The following AGAP1 variants were observed in gnomAD, a reference collection of about 807,000 sequenced individuals.
The protein encoded by AGAP1 is arf-GAP with GTPase, ANK repeat and PH domain-containing protein 1.
A neutral mutation model predicts 105.3 loss-of-function variants in AGAP1; 29 were observed. The observed-to-expected ratio is 0.28, with a 90% CI of 0.21 to 0.38. The LOEUF (loss-of-function observed/expected upper bound fraction) is 0.38, where lower values mean the gene tolerates loss of function less well. AGAP1 is among the 10% of genes least tolerant of loss of function. The pLI, the probability that AGAP1 is intolerant of heterozygous loss-of-function variation, is 1.00. For synonymous variants in AGAP1, 509 were observed against 485.9 expected (o/e 1.05, Z -0.63); for missense variants, 998 against 1,165.1 (o/e 0.86, Z 2.09).
chr2:235,914,451 T>C (rs2051773356), intron 11 of AGAP1, among the ~76,000 whole-genome samples: 1 of 151,444 alleles, frequency 6.6e-6, no homozygotes, highest in South Asian at 2.1e-4. Context: ...TTGTAAGGAA[T>C]GATAAGTGCT....
At chr2:235,693,287 G>A (rs1949828667) in intron 1 of AGAP1, among the ~76,000 whole-genome samples, 1 of 152,170 alleles carries the variant, frequency 6.6e-6, no homozygotes, top group Non-Finnish European at 1.5e-5. Flanking sequence ...TTAGGAGCTG[G>A]GGTAGTACTC....
At chr2:235,718,647 G>C (rs1485064748) in intron 3 of AGAP1, among the ~76,000 whole-genome samples, 1 of 152,196 alleles carries the variant, frequency 6.6e-6, no homozygotes, top group Non-Finnish European at 1.5e-5. Context: ...GAATACTGCG[G>C]AACCGTTCGG....
In AGAP1 at chr2:236,001,628, G is replaced by A. The variant is rs1290302784; in HGVS notation, c.1645+33005G>A. 6.6e-6 allele frequency among the ~76,000 whole-genome samples: 1 copy of A among 152,218 alleles called. No homozygotes were observed. Among genetic ancestry groups the A allele is most frequent in the Non-Finnish European group, 1.5e-5 (1 of 68,050 alleles). ...GAAGTGAGAGGACACAGAGGCCAGG[G>A]CCGGGAGACCAGGAGGCCGAGAGCG... On this transcript the variant is annotated intron_variant, in intron 13 of 17. Transcript: ENST00000304032. This position sits in a 1 kb window ranked among gnomAD's most constrained non-coding sequence, Gnocchi z 4.7.
intron 2 of AGAP1, among the ~76,000 whole-genome samples, chr2:235,710,201 C>T (rs1950781017): frequency 1.3e-5 from 2 of 152,210 alleles, no homozygotes; most frequent in Admixed American, 1.3e-4. Flanking sequence ...TGACCCCAAC[C>T]TCATTGCATG....
intron 9 of AGAP1, among the ~76,000 whole-genome samples, chr2:235,868,595 A>T (rs563230978): frequency 6.6e-6 from 1 of 152,274 alleles, no homozygotes; most frequent in East Asian, 1.9e-4. Context: ...GGTCCCTGAG[A>T]CTCAAAACAA....
intron 13 of AGAP1, among the ~76,000 whole-genome samples, chr2:235,990,121 T>C (rs1275272702): frequency 1.3e-5 from 2 of 152,240 alleles, no homozygotes; most frequent in Non-Finnish European, 2.9e-5. Flanking sequence ...GTTAAAACCT[T>C]TTTTAATGTT....
intron 11 of AGAP1, among the ~76,000 whole-genome samples, chr2:235,920,681 T>C (rs867703863): frequency 1.1e-4 from 16 of 152,322 alleles, no homozygotes; most frequent in African/African-American, 3.4e-4. Flanking sequence ...AGGAGGCAGA[T>C]GGCATGCACA....
intron 1 of AGAP1, among the ~76,000 whole-genome samples, chr2:235,686,622 T>TATATATATATATATATATATAG (rs1949419544): frequency 7.3e-5 from 2 of 27,584 alleles, no homozygotes; most frequent in Non-Finnish European, 1.5e-4. Context: ...GAGATATAGA[T>TATATATATATATATATATATAG]ATATATATAT....
In AGAP1 at chr2:235,979,674, G is replaced by A. The variant is rs2055008368; in HGVS notation, c.1645+11051G>A. Among the ~76,000 whole-genome samples, 1 of 152,162 alleles carries A rather than the reference G, an allele frequency of 6.6e-6. No homozygotes were observed. Among genetic ancestry groups the A allele is most frequent in the South Asian group, 2.1e-4 (1 of 4,828 alleles). The stretch of plus-strand genomic sequence containing the variant: ...AGGGCCTCTTGTGCACGTGGGACAT[G>A]GAGAAAATTGGCCATTTGTCTGTGG... On this transcript the variant is annotated intron_variant, in intron 13 of 17. Transcript: ENST00000304032. The surrounding 1 kb of genome is among the most constrained non-coding windows in gnomAD (Gnocchi z 4.5).
Position 236,124,263 on chromosome 2 carries a change from A to T in AGAP1, c.*141A>T. 1 of 938,284 alleles carries T rather than the reference A, an allele frequency of 1.1e-6. No individual in the cohort carries two copies. Among genetic ancestry groups the T allele is most frequent in the Non-Finnish European group, 1.6e-6 (1 of 635,730 alleles). 58.1% of individuals were successfully genotyped at this position (938,284 alleles called of 1,614,324 possible). A position where few individuals can be genotyped will look rare whatever the true frequency, so the allele number is the denominator to read the frequency against. Reference sequence around the variant, plus strand: ...ACCTCCCTCCCGCCCACCCACTCTCACCCCAAACAAAATCACAAAACCTGG... The same window carrying T: ...ACCTCCCTCCCGCCCACCCACTCTCTCCCCAAACAAAATCACAAAACCTGG... On this transcript the variant is annotated 3_prime_UTR_variant, in exon 18 of 18. Transcript: ENST00000304032. This position sits in a 1 kb window ranked among gnomAD's most constrained non-coding sequence, Gnocchi z 5.1.
In AGAP1 at chr2:235,648,777, C is replaced by A. The variant is rs1276144989; in HGVS notation, c.164-60402C>A. On this transcript the variant is annotated intron_variant, in intron 1 of 17. Coordinates refer to ENST00000304032, the MANE Select transcript of AGAP1 (RefSeq NM_001037131.3). ...TGGCATGCGCCTGTAGCCCCAGCTA[C>A]TCGGGAGGCTGAGGCAGTAGAATCA... is the stretch of plus-strand genomic sequence containing the variant. Among the ~76,000 whole-genome samples, 3 of 151,530 alleles carry A rather than the reference C, an allele frequency of 2.0e-5. No homozygotes were observed. The East Asian group carries it at 5.8e-4, about 29-fold the overall frequency.
chr2:235,570,432 A>T (rs1944477577), intron 1 of AGAP1, among the ~76,000 whole-genome samples: 1 of 152,280 alleles, frequency 6.6e-6, no homozygotes, highest in Non-Finnish European at 1.5e-5. Flanking sequence ...AATGTGTGAG[A>T]GAGTCCTGCT....
At position 235,712,096 on chromosome 2, in the gene AGAP1, C is replaced by A. The variant is rs1950887160; in HGVS notation, c.222+2859C>A. On this transcript the variant is annotated intron_variant, in intron 2 of 17. Coordinates refer to ENST00000304032, the MANE Select transcript of AGAP1 (RefSeq NM_001037131.3). This position sits in a 1 kb window ranked among gnomAD's most constrained non-coding sequence, Gnocchi z 6.0. ...CTGGAGTGCAGTGGCGCCATCTCGG[C>A]TCACTGCAACCTGCCTCCTGGGTTC... Among the ~76,000 whole-genome samples the A allele has an allele frequency of 6.6e-6, 1 of 152,122 alleles. No homozygotes were observed. The highest frequency in any genetic ancestry group is 1.5e-5 in the Non-Finnish European group (1 of 68,032).
intron 1 of AGAP1, among the ~76,000 whole-genome samples, chr2:235,646,020 T>C (rs915910505): frequency 2.0e-5 from 3 of 152,118 alleles, no homozygotes; most frequent in Non-Finnish European, 4.4e-5. Flanking sequence ...TTCACACTTG[T>C]AATCCCAGCA....
At chr2:235,498,424 A>G (rs1391751727) in intron 1 of AGAP1, among the ~76,000 whole-genome samples, 1 of 152,082 alleles carries the variant, frequency 6.6e-6, no homozygotes, top group African/African-American at 2.4e-5. Flanking sequence ...AAATGTAGCC[A>G]CACAGCTGTG....
At chr2:235,917,340 A>T (rs1027571000) in intron 11 of AGAP1, among the ~76,000 whole-genome samples, 1 of 152,164 alleles carries the variant, frequency 6.6e-6, no homozygotes, top group South Asian at 2.1e-4. Context: ...ACACTTCAGC[A>T]ATCAGGACAT....
Position 235,751,138 on chromosome 2 carries a change from C to T in AGAP1, c.673+650C>T, listed in dbSNP as rs1166160037. The stretch of plus-strand genomic sequence containing the variant: ...ACATACTTGTGGATGATCATAGCGC[C>T]AGACGTCGTCTATGAGAGAGGAGCC... On this transcript the variant is annotated intron_variant, in intron 6 of 17. Coordinates refer to ENST00000304032, the MANE Select transcript of AGAP1 (RefSeq NM_001037131.3). The surrounding 1 kb of genome is among the most constrained non-coding windows in gnomAD (Gnocchi z 5.3). 6.6e-6 allele frequency among the ~76,000 whole-genome samples: 1 copy of T among 152,064 alleles called. No homozygotes were observed. The highest frequency in any genetic ancestry group is 1.5e-5 in the Non-Finnish European group (1 of 68,018).
chr2:235,745,351 A>G (rs566579635), intron 5 of AGAP1, among the ~76,000 whole-genome samples: 2 of 152,242 alleles, frequency 1.3e-5, no homozygotes, highest in South Asian at 4.1e-4. Flanking sequence ...GGCCCCTCAG[A>G]CAGAGAATCC....
At chr2:236,057,540 G>T (rs2058082879) in intron 16 of AGAP1, among the ~76,000 whole-genome samples, 1 of 152,106 alleles carries the variant, frequency 6.6e-6, no homozygotes, top group South Asian at 2.1e-4. Context: ...CCACACAAGT[G>T]CAGGGTTAGA....
Sources: gnomAD v4.1 joint callset for allele counts (sites outside exome capture counted in the v4.1 genomes callset) on GRCh38, gnomAD v4.1.1 for gene constraint, Gnocchi (gnomAD v3.1) non-coding constraint, MANE v1.5 for transcripts, NCBI Gene and HGNC (gene_info 2026-07-23, HGNC 2026-07-21) for gene names.